KLHL2: variants seen among roughly 807,000 people sequenced by gnomAD.
KLHL2 encodes kelch-like protein 2.
In KLHL2, 15 loss-of-function variants were observed where a neutral mutation model predicts 75.8. That is an observed-to-expected ratio of 0.20 (90% CI 0.13 to 0.30). The LOEUF is 0.30. KLHL2 is among the 10% of genes least tolerant of loss of function. The pLI is 1.00. For missense variants in KLHL2, 381 were observed against 741.0 expected (o/e 0.51, Z 5.64); for synonymous variants, 214 against 251.9 (o/e 0.85, Z 1.42).
intron 5 of KLHL2, among the ~76,000 whole-genome samples, chr4:165,270,775 G>A (rs768185115): frequency 6.6e-6 from 1 of 152,148 alleles, no homozygotes; most frequent in Non-Finnish European, 1.5e-5. Flanking sequence ...GCTACACAGA[G>A]GTCAGGGACC....
chr4:165,259,995 G>A (rs1741518133), intron 4 of KLHL2, among the ~76,000 whole-genome samples: 1 of 152,008 alleles, frequency 6.6e-6, no homozygotes, highest in African/African-American at 2.4e-5. Context: ...TGGTTCATCT[G>A]AAGTCAGAGC....
At chr4:165,285,538 C>G (rs1336596859) in intron 5 of KLHL2, among the ~76,000 whole-genome samples, 1 of 152,132 alleles carries the variant, frequency 6.6e-6, no homozygotes. Flanking sequence ...TCCCAAGTAG[C>G]TGGGATTACA....
At position 165,269,843 on chromosome 4, in the gene KLHL2, T is replaced by G. The variant is rs184198300; in HGVS notation, c.544+6484T>G. Among the ~76,000 whole-genome samples the G allele has an allele frequency of 2.8e-3, 432 of 152,208 alleles. 3 individuals are homozygous for G. Among genetic ancestry groups the G allele is most frequent in the African/African-American group, 0.01 (417 of 41,538 alleles). On this transcript the variant is annotated intron_variant, in intron 5 of 14. Transcript: ENST00000226725. Reference sequence around the variant, plus strand: ...TTTGTCTTTGTGGTGTTCTCTATATTTCCTGAATTTGAATGTTGGCCTGCC... The same window carrying G: ...TTTGTCTTTGTGGTGTTCTCTATATGTCCTGAATTTGAATGTTGGCCTGCC...
At chr4:165,266,454 G>T (rs1215301900) in intron 5 of KLHL2, among the ~76,000 whole-genome samples, 1 of 152,098 alleles carries the variant, frequency 6.6e-6, no homozygotes. Context: ...ATGGTTTTAG[G>T]TCTAACATTT....
At chr4:165,215,783 T>C (rs905288330) in intron 1 of KLHL2, among the ~76,000 whole-genome samples, 1 of 152,146 alleles carries the variant, frequency 6.6e-6, no homozygotes, top group Admixed American at 6.6e-5. Flanking sequence ...TCTGGGATGA[T>C]TCTGAGGTGG....
At chr4:165,321,322 G>A (rs1005632418) in intron 14 of KLHL2, 6 of 455,890 alleles carry the variant, frequency 1.3e-5, no homozygotes, top group Non-Finnish European at 2.6e-5. Context: ...CCTGCTCAAT[G>A]TGAAGAGACA....
chr4:165,238,659 C>T, intron 3 of KLHL2, 119 bp from the exon 4 acceptor site: 1 of 1,505,536 alleles, frequency 6.6e-7, no homozygotes, highest in Non-Finnish European at 8.9e-7. Context: ...CAAAAAGTGG[C>T]TGATTATGCT....
rs1746698368 is a variant in KLHL2 at position 165,317,889 on chromosome 4, C to T, written c.1673C>T (p.Ala558Val). The change falls in exon 14 of 15, where the codon GCG (alanine) becomes GTG (valine). Residue 558 changes from alanine to valine, a missense_variant. Coordinates refer to ENST00000226725, the MANE Select transcript of KLHL2 (RefSeq NM_007246.4). ...GGGGATGATGGTTCCTGTAACTTGG[C>T]GTCAGTAGAATATTATAACCCAACA... Reference protein sequence around the residue: ...VGGDDGSCNLASVEYYNPTTD... With the variant: ...VGGDDGSCNLVSVEYYNPTTD... The T allele has an allele frequency of 6.2e-7, 1 of 1,613,166 alleles. No individual in the cohort carries two copies.
intron 5 of KLHL2, among the ~76,000 whole-genome samples, chr4:165,282,368 G>T (rs1402983105): frequency 3.9e-5 from 6 of 152,184 alleles, no homozygotes; most frequent in Admixed American, 3.9e-4. Context: ...GCTGTGTTGT[G>T]TTAGGCTTAT....
At chr4:165,221,402 G>A (rs1331794513) in intron 2 of KLHL2, among the ~76,000 whole-genome samples, 1 of 152,208 alleles carries the variant, frequency 6.6e-6, no homozygotes, top group Non-Finnish European at 1.5e-5. Context: ...GGATGGGAGT[G>A]AGGAGAGGGA....
chr4:165,265,160 A>ATT (rs1189814226), intron 5 of KLHL2, among the ~76,000 whole-genome samples: 1 of 152,060 alleles, frequency 6.6e-6, no homozygotes, highest in African/African-American at 2.4e-5. Context: ...TTTGTTGACC[A>ATT]TTTGTATATC....
chr4:165,321,029 A>G (rs1173310542), intron 14 of KLHL2, among the ~76,000 whole-genome samples: 1 of 152,252 alleles, frequency 6.6e-6, no homozygotes, highest in African/African-American at 2.4e-5. Context: ...TGGTTATTCA[A>G]GACTGTTTAT....
chr4:165,290,114 A>G (rs967205077), intron 5 of KLHL2, among the ~76,000 whole-genome samples: 5 of 152,124 alleles, frequency 3.3e-5, no homozygotes, highest in African/African-American at 1.2e-4. Flanking sequence ...TTTCATTAAA[A>G]TGAATTTATT....
intron 5 of KLHL2, among the ~76,000 whole-genome samples, chr4:165,264,039 C>G (rs563943570): frequency 6.6e-6 from 1 of 151,984 alleles, no homozygotes; most frequent in East Asian, 1.9e-4. Flanking sequence ...GCTCTTCAGG[C>G]CCTTCAGACC....
In KLHL2 at chr4:165,229,328, C is replaced by T. The variant is rs189136946; in HGVS notation, c.259+415C>T. 2.5e-3 allele frequency among the ~76,000 whole-genome samples: 376 copies of T among 152,192 alleles called. 2 individuals carry two copies. The highest frequency in any genetic ancestry group is 8.8e-3 in the African/African-American group (366 of 41,526). On this transcript the variant is annotated intron_variant, in intron 3 of 14. Transcript: ENST00000226725. The stretch of plus-strand genomic sequence containing the variant: ...CATTTGGAAATATAAGAAAATAAAG[C>T]GATTTATCTACAAGCTCATGTTCTA...
At position 165,293,329 on chromosome 4, in the gene KLHL2, A is replaced by G. The variant is rs116839485; in HGVS notation, c.545-1030A>G. On this transcript the variant is annotated intron_variant, in intron 5 of 14. Coordinates refer to ENST00000226725, the MANE Select transcript of KLHL2 (RefSeq NM_007246.4). The stretch of plus-strand genomic sequence containing the variant: ...AGCGATCTTTTTTCCCCTTGGGAAG[A>G]GTGGCCATATTTGTGAAATCAAGGG... Among the ~76,000 whole-genome samples, 1,333 of 152,244 alleles carry G rather than the reference A, an allele frequency of 8.8e-3. 16 individuals carry two copies. Among genetic ancestry groups the G allele is most frequent in the African/African-American group, 0.028 (1,181 of 41,522 alleles).
intron 5 of KLHL2, among the ~76,000 whole-genome samples, chr4:165,286,419 T>A (rs1328403329): frequency 1.3e-5 from 2 of 152,092 alleles, no homozygotes; most frequent in African/African-American, 4.8e-5. Context: ...GACAGTAATA[T>A]ACATTAGATA....
At position 165,207,816 on chromosome 4, in the gene KLHL2, G is replaced by T. The variant is rs1736928338; in HGVS notation, c.-61G>T. The T allele has an allele frequency of 1.0e-5, 14 of 1,396,754 alleles. No homozygotes were observed. Among genetic ancestry groups the T allele is most frequent in the Non-Finnish European group, 1.1e-5 (12 of 1,059,360 alleles). The allele number at this position is 1,396,754 out of a possible 1,614,324, so 86.5% of individuals were successfully genotyped here. On this transcript the variant is annotated 5_prime_UTR_variant, in exon 1 of 15. Coordinates refer to ENST00000226725, the MANE Select transcript of KLHL2 (RefSeq NM_007246.4). This position sits in a 1 kb window ranked among gnomAD's most constrained non-coding sequence, Gnocchi z 4.2. ...CGGGCGGGCAGTGCCGGCGTCCGCG[G>T]CTGGAATGGTGCTGGCTGTGTTGGT...
intron 7 of KLHL2, 131 bp from the exon 8 acceptor site, chr4:165,299,376 C>A (rs1440853410): frequency 1.4e-6 from 1 of 733,588 alleles, no homozygotes; most frequent in Non-Finnish European, 2.0e-6. Context: ...TATAAACTTT[C>A]CTCGTTTATT....
Sources: allele counts gnomAD v4.1 joint callset (sites outside exome capture counted in the v4.1 genomes callset), GRCh38; gene constraint gnomAD v4.1.1; non-coding constraint Gnocchi (gnomAD v3.1); transcripts MANE v1.5; gene names NCBI Gene and HGNC (gene_info 2026-07-23, HGNC 2026-07-21).